Variants in SCN3A observed in about 807,000 individuals in gnomAD.
SCN3A encodes the protein sodium voltage-gated channel alpha subunit 3, also known as sodium channel protein type 3 subunit alpha.
A neutral mutation model predicts 187.6 loss-of-function variants in SCN3A; 60 were observed. The observed-to-expected ratio is 0.32, with a 90% CI of 0.26 to 0.40. SCN3A has a LOEUF of 0.40. Ranked by LOEUF, SCN3A falls within the 10% of genes least tolerant of loss-of-function variation. The pLI is 1.00. For missense variants in SCN3A, 1,601 were observed against 2,428.2 expected (o/e 0.66, Z 7.16); for synonymous variants, 788 against 829.2 (o/e 0.95, Z 0.85).
rs759202365 is a variant in SCN3A, at chr2:165,132,758, G to A, written c.2392-1341C>T. Reference sequence around the variant, plus strand: ...CGTCTAAAACACCAAAAGCAATGGCGACAAAAGCCAAAATTGACAAATGGG... The same window carrying A: ...CGTCTAAAACACCAAAAGCAATGGCAACAAAAGCCAAAATTGACAAATGGG... On this transcript the variant is annotated intron_variant, in intron 15 of 27. Coordinates refer to ENST00000283254, the MANE Select transcript of SCN3A (RefSeq NM_006922.4). Among the ~76,000 whole-genome samples, 359 of 152,124 alleles carry A rather than the reference G, an allele frequency of 2.4e-3. 3 individuals carry two copies. Among genetic ancestry groups the A allele is most frequent in the African/African-American group, 4.0e-3 (166 of 41,514 alleles).
rs1473573332 is a variant in SCN3A at position 165,090,138 on chromosome 2, C to A, written c.*12G>T. 16 of 1,563,884 alleles carry A rather than the reference C, an allele frequency of 1.0e-5. No individual in the cohort carries two copies. Among genetic ancestry groups the A allele is most frequent in the Non-Finnish European group, 1.4e-5 (16 of 1,151,920 alleles). On this transcript the variant is annotated 3_prime_UTR_variant, in exon 28 of 28. Transcript: ENST00000283254. This position sits in a 1 kb window ranked among gnomAD's most constrained non-coding sequence, Gnocchi z 4.0. Reference sequence around the variant, plus strand: ...TAAACAATTGATCACAAAGATAATTCTTTGTTTCTTTTTACTTTTGATTTT... The same window carrying A: ...TAAACAATTGATCACAAAGATAATTATTTGTTTCTTTTTACTTTTGATTTT...
intron 15 of SCN3A, among the ~76,000 whole-genome samples, chr2:165,136,300 C>T (rs1198345123): frequency 6.6e-6 from 1 of 152,138 alleles, no homozygotes; most frequent in Admixed American, 6.6e-5. Context: ...ACTTCCCTAA[C>T]TGTCCAATAT....
At chr2:165,111,980 C>T (rs1038059135) in intron 21 of SCN3A, among the ~76,000 whole-genome samples, 2 of 152,058 alleles carry the variant, frequency 1.3e-5, no homozygotes, top group Admixed American at 6.6e-5. Flanking sequence ...GACCCAGACT[C>T]GTCAAAAATG....
intron 18 of SCN3A, among the ~76,000 whole-genome samples, chr2:165,123,905 CTAT>C (rs1245991900): frequency 2.0e-5 from 3 of 151,980 alleles, no homozygotes; most frequent in Non-Finnish European, 4.4e-5. Flanking sequence ...TGAGAGTTCC[CTAT>C]TACTTTTTTG....
At chr2:165,146,714 C>A (rs2105832972) in intron 12 of SCN3A, 25 bp downstream of exon 12, 2 of 1,613,408 alleles carry the variant, frequency 1.2e-6, no homozygotes, top group Non-Finnish European at 1.7e-6. Flanking sequence ...ACAAAGAAAC[C>A]AGAGCACTTA....
chr2:165,160,291 T>C lies in SCN3A; in HGVS notation c.1031+2017A>G, dbSNP rs183058585. Among the ~76,000 whole-genome samples the C allele has an allele frequency of 3.0e-3, 456 of 152,288 alleles. 3 individuals are homozygous for C. The highest frequency in any genetic ancestry group is 0.01 in the African/African-American group (430 of 41,572). On this transcript the variant is annotated intron_variant, in intron 9 of 27. Coordinates refer to ENST00000283254, the MANE Select transcript of SCN3A (RefSeq NM_006922.4). Reference sequence around the variant, plus strand: ...GGTGACTTGTACAATTATTTCATTATATATTACAGTATGCTAATAATATAA... The same window carrying C: ...GGTGACTTGTACAATTATTTCATTACATATTACAGTATGCTAATAATATAA...
chr2:165,114,872 C>T (rs189971070), intron 19 of SCN3A, among the ~76,000 whole-genome samples: 17 of 152,248 alleles, frequency 1.1e-4, no homozygotes, highest in Non-Finnish European at 2.2e-4. Context: ...GGTCAGCTTC[C>T]TCACATTATG....
At chr2:165,095,199 A>G (rs1415752872) in intron 25 of SCN3A, among the ~76,000 whole-genome samples, 1 of 152,166 alleles carries the variant, frequency 6.6e-6, no homozygotes, top group African/African-American at 2.4e-5. Flanking sequence ...GTGTAGGAAA[A>G]AATGAAGATG....
intron 1 of SCN3A, among the ~76,000 whole-genome samples, chr2:165,201,751 C>G (rs1268850201): frequency 6.6e-6 from 1 of 151,964 alleles, no homozygotes; most frequent in Non-Finnish European, 1.5e-5. Context: ...AGAAACGCCC[C>G]TATTTCTCTA....
intron 11 of SCN3A, among the ~76,000 whole-genome samples, chr2:165,148,235 T>G (rs2105839501): frequency 6.6e-6 from 1 of 152,106 alleles, no homozygotes; most frequent in South Asian, 2.1e-4. Context: ...CAAGACATAC[T>G]TAACCTTGAC....
chr2:165,113,625 C>T (rs1040126218), intron 20 of SCN3A, among the ~76,000 whole-genome samples, 191 bp downstream of exon 20: 2 of 152,106 alleles, frequency 1.3e-5, no homozygotes, highest in African/African-American at 4.8e-5. Flanking sequence ...ATGAGAAATT[C>T]CATCTGGCTG....
At chr2:165,137,736 C>A (rs1045097532) in intron 15 of SCN3A, 143 bp downstream of exon 15, 7 of 709,370 alleles carry the variant, frequency 9.9e-6, no homozygotes, top group Non-Finnish European at 1.5e-5. Flanking sequence ...CTCTGAGATT[C>A]CCTGTAATAT....
intron 19 of SCN3A, 145 bp from the exon 20 acceptor site, chr2:165,114,115 C>A (rs940142316): frequency 1.2e-5 from 7 of 572,924 alleles, no homozygotes; most frequent in Admixed American, 9.1e-5. Context: ...TCGTCAGCAT[C>A]CCTCCTGTAT....
At chr2:165,121,687 C>T (rs1686687135) in intron 18 of SCN3A, among the ~76,000 whole-genome samples, 1 of 152,094 alleles carries the variant, frequency 6.6e-6, no homozygotes, top group Admixed American at 6.5e-5. Context: ...TCCTTGTCAC[C>T]AGAAGCCTTG....
chr2:165,143,449 T>C (rs1490943040), intron 12 of SCN3A, among the ~76,000 whole-genome samples: 3 of 152,220 alleles, frequency 2.0e-5, no homozygotes, highest in Admixed American at 6.5e-5. Context: ...GTTCCAGATC[T>C]CTGAGTTTAT....
intron 1 of SCN3A, among the ~76,000 whole-genome samples, chr2:165,200,122 C>G: frequency 6.6e-6 from 1 of 152,086 alleles, no homozygotes; most frequent in Admixed American, 6.6e-5. Context: ...GTAAGCATGA[C>G]ATTTTGAAAA....
At chr2:165,131,633 G>C (rs1687326823) in intron 15 of SCN3A, among the ~76,000 whole-genome samples, 1 of 148,334 alleles carries the variant, frequency 6.7e-6, no homozygotes, top group South Asian at 2.1e-4. Flanking sequence ...TAAGTTTGAG[G>C]GTACATGTGT....
intron 21 of SCN3A, among the ~76,000 whole-genome samples, chr2:165,100,818 T>C (rs1041516606): frequency 1.3e-5 from 2 of 152,236 alleles, no homozygotes; most frequent in African/African-American, 4.8e-5. Context: ...ATCTTAGTTA[T>C]GCATTCTGGA....
rs550026557 is a variant in SCN3A, at chr2:165,177,184, A to G, written c.-50-740T>C. Among the ~76,000 whole-genome samples, 58 of 152,266 alleles carry G rather than the reference A, an allele frequency of 3.8e-4. 1 individual carries two copies. Among genetic ancestry groups the G allele is most frequent in the African/African-American group, 1.3e-3 (53 of 41,558 alleles). ...GAGAATATGTTTACTCCTTATTTCA[A>G]TATGCTGCCCTTCAATTATTCCAAG... On this transcript the variant is annotated intron_variant, in intron 2 of 27. Coordinates refer to ENST00000283254, the MANE Select transcript of SCN3A (RefSeq NM_006922.4).
Sources: gnomAD v4.1 joint callset for allele counts (sites outside exome capture counted in the v4.1 genomes callset) on GRCh38, gnomAD v4.1.1 for gene constraint, Gnocchi (gnomAD v3.1) non-coding constraint, MANE v1.5 for transcripts, NCBI Gene and HGNC (gene_info 2026-07-23, HGNC 2026-07-21) for gene names.